The following CD276 variants were observed in gnomAD, a reference collection of about 807,000 sequenced individuals.
CD276 encodes CD276 antigen.
A neutral mutation model predicts 50.0 loss-of-function variants in CD276; 34 were observed. The observed-to-expected ratio is 0.68, with a 90% CI of 0.52 to 0.91. The LOEUF is 0.91. CD276 is among the 40% of genes least tolerant of loss of function. The pLI, the probability that CD276 is intolerant of heterozygous loss-of-function variation, is 0.00. For missense variants in CD276, 634 were observed against 717.5 expected (o/e 0.88, Z 1.33); for synonymous variants, 275 against 313.0 (o/e 0.88, Z 1.28).
At position 73,713,084 on chromosome 15, in the gene CD276, A is replaced by G; in HGVS notation, c.*128A>G. On this transcript the variant is annotated 3_prime_UTR_variant, in exon 10 of 10. Transcript: ENST00000318443. ...GACAGGTGGGCTCCTTCTCCAAAGG[A>G]TGCGATACACAGACCACTGTGCAGC... The G allele has an allele frequency of 1.3e-6, 1 of 774,068 alleles. No individual in the cohort carries two copies. Among genetic ancestry groups the G allele is most frequent in the Non-Finnish European group, 2.1e-6 (1 of 473,764 alleles). The allele number at this position is 774,068 out of a possible 1,614,324, so 47.9% of individuals were successfully genotyped here.
rs925979785 is a variant in CD276 at position 73,704,536 on chromosome 15, C to G, written c.1369+64C>G. ...TAACTCCCTCTTTACTGGACCCTAA[C>G]GTGGAATTTCCATAGGTTTGGGTGG... On this transcript the variant is annotated intron_variant, in intron 6 of 9. Coordinates refer to ENST00000318443, the MANE Select transcript of CD276 (RefSeq NM_001024736.2). This position sits in a 1 kb window ranked among gnomAD's most constrained non-coding sequence, Gnocchi z 4.1. The G allele has an allele frequency of 6.5e-7, 1 of 1,532,962 alleles. No homozygotes were observed. Among genetic ancestry groups the G allele is most frequent in the African/African-American group, 1.4e-5 (1 of 73,168 alleles). The allele number at this position is 1,532,962 out of a possible 1,614,324, so 95.0% of individuals were successfully genotyped here.
At chr15:73,692,083 G>A (rs988421930) in intron 1 of CD276, among the ~76,000 whole-genome samples, 2 of 152,082 alleles carry the variant, frequency 1.3e-5, no homozygotes, top group Non-Finnish European at 2.9e-5. Context: ...CCTCTCCTGA[G>A]TCTCAGCCTC....
upstream of CD276, chr15:73,684,149 C>T (rs543448774): frequency 6.0e-5 from 9 of 149,974 alleles, no homozygotes; most frequent in Non-Finnish European, 7.4e-5. Context: ...GCGCCCTGCT[C>T]CGGGAGCCGA....
chr15:73,709,164 T>C (rs1384721384), intron 7 of CD276, among the ~76,000 whole-genome samples: 1 of 151,864 alleles, frequency 6.6e-6, no homozygotes, highest in East Asian at 1.9e-4. Context: ...GTTACATCTG[T>C]TGGAGGTTGA....
At chr15:73,702,637 A>C (rs373130843) in intron 3 of CD276, 44 bp downstream of exon 3, 52 of 1,575,356 alleles carry the variant, frequency 3.3e-5, no homozygotes, top group African/African-American at 1.3e-5. Flanking sequence ...TTCACCCTCC[A>C]TTCCCCCTGC....
At chr15:73,685,776 A>G (rs1331216050) in intron 1 of CD276, among the ~76,000 whole-genome samples, 1 of 152,108 alleles carries the variant, frequency 6.6e-6, no homozygotes, top group Non-Finnish European at 1.5e-5. Flanking sequence ...GGGGGACTGC[A>G]AATAGGTGGG....
chr15:73,695,903 G>A (rs549643794), intron 1 of CD276, among the ~76,000 whole-genome samples: 1 of 152,226 alleles, frequency 6.6e-6, no homozygotes, highest in African/African-American at 2.4e-5. Context: ...AGTGATGTGG[G>A]TGATTATGGT....
In CD276 at chr15:73,684,419, A is replaced by C. The variant is rs1041017768; in HGVS notation, c.-96A>C. Reference sequence around the variant, plus strand: ...GCCTCGCTGCGGCGGCGACTGAGCCAGGCTGGGCCGCGTCCCTGAGTCCCA... The same window carrying C: ...GCCTCGCTGCGGCGGCGACTGAGCCCGGCTGGGCCGCGTCCCTGAGTCCCA... On this transcript the variant is annotated 5_prime_UTR_variant, in exon 1 of 10. Coordinates refer to ENST00000318443, the MANE Select transcript of CD276 (RefSeq NM_001024736.2). The C allele has an allele frequency of 6.6e-6, 1 of 151,568 alleles. No individual in the cohort carries two copies. The highest frequency in any genetic ancestry group is 2.1e-4 in the South Asian group (1 of 4,844). 9.4% of individuals were successfully genotyped at this position (151,568 alleles called of 1,614,324 possible).
chr15:73,713,495 A>T lies in CD276; in HGVS notation c.*539A>T, dbSNP rs1482302503. Reference sequence around the variant, plus strand: ...TCTCAGACAGGGACAGTGCGGCCTCAACATCTCCTGGAGTCTAGAAGCTGT... The same window carrying T: ...TCTCAGACAGGGACAGTGCGGCCTCTACATCTCCTGGAGTCTAGAAGCTGT... On this transcript the variant is annotated 3_prime_UTR_variant, in exon 10 of 10. Transcript: ENST00000318443. 3.4e-6 allele frequency: 1 copy of T among 293,572 alleles called. No individual in the cohort carries two copies. The highest frequency in any genetic ancestry group is 1.6e-4 in the East Asian group (1 of 6,450). 18.2% of individuals were successfully genotyped at this position (293,572 alleles called of 1,614,324 possible).
At chr15:73,692,706 T>G (rs1900031546) in intron 1 of CD276, among the ~76,000 whole-genome samples, 2 of 152,236 alleles carry the variant, frequency 1.3e-5, no homozygotes, top group South Asian at 4.1e-4. Context: ...TGTACGATTC[T>G]TCATCTCCAT....
At position 73,702,333 on chromosome 15, in the gene CD276, C is replaced by T; in HGVS notation, c.158C>T (p.Ser53Phe). ...GATGCCACCCTGTGCTGCTCCTTCT[C>T]CCCTGAGCCTGGCTTCAGCCTGGCA... ...GTDATLCCSFSPEPGFSLAQL... is the reference protein window; with the variant it reads ...GTDATLCCSFFPEPGFSLAQL... Residue 53 changes from serine to phenylalanine, a missense_variant, in exon 3 of 10, where the codon TCC becomes TTC. Physicochemically the swap from Ser to Phe is radical, Grantham distance 155 (BLOSUM62 -2). Coordinates refer to ENST00000318443, the MANE Select transcript of CD276 (RefSeq NM_001024736.2). 1 of 1,613,552 alleles carries T rather than the reference C, an allele frequency of 6.2e-7. No homozygotes were observed. The highest frequency in any genetic ancestry group is 1.1e-5 in the South Asian group (1 of 91,076).
chr15:73,688,541 G>C (rs998788166), intron 1 of CD276, among the ~76,000 whole-genome samples: 29 of 152,164 alleles, frequency 1.9e-4, no homozygotes, highest in African/African-American at 7.0e-4. Context: ...CTGTACCCTG[G>C]GCAGGCAAGG....
intron 6 of CD276, among the ~76,000 whole-genome samples, chr15:73,705,248 G>A (rs1020869502): frequency 1.1e-4 from 17 of 152,178 alleles, no homozygotes; most frequent in Admixed American, 9.8e-4. Context: ...GGTGCACAGT[G>A]AGGTCAGGAC....
intron 1 of CD276, among the ~76,000 whole-genome samples, chr15:73,697,966 G>C (rs2141553906): frequency 6.6e-6 from 1 of 152,316 alleles, no homozygotes; most frequent in Non-Finnish European, 1.5e-5. Flanking sequence ...TATTCTTGTT[G>C]ATCAGTGTTG....
intron 1 of CD276, 132 bp from the exon 2 acceptor site, chr15:73,699,454 G>T (rs1216792473): frequency 2.5e-6 from 3 of 1,212,216 alleles, no homozygotes; most frequent in Admixed American, 4.7e-5. Context: ...CAGGGGGCCC[G>T]GTGGGATATG....
chr15:73,685,279 G>A (rs1007438977), intron 1 of CD276, among the ~76,000 whole-genome samples: 4 of 152,030 alleles, frequency 2.6e-5, no homozygotes, highest in Non-Finnish European at 5.9e-5. Context: ...GAATTCCAGC[G>A]CCCAGGGCCC....
intron 4 of CD276, 105 bp downstream of exon 4, chr15:73,703,191 G>A (rs889711049): frequency 9.4e-5 from 124 of 1,317,020 alleles, no homozygotes; most frequent in Non-Finnish European, 1.2e-4. Flanking sequence ...AGAACAGCAA[G>A]TTGCCTCCTA....
intron 2 of CD276, 66 bp downstream of exon 2, chr15:73,699,784 C>A (rs1167115532): frequency 2.0e-6 from 3 of 1,510,774 alleles, no homozygotes; most frequent in Non-Finnish European, 2.7e-6. Flanking sequence ...GAGGGGGTGC[C>A]CACGCCTGTT....
rs368957019 is a variant in CD276, at chr15:73,702,447, A to G, written c.272A>G (p.Asn91Ser). Residue 91 changes from asparagine (N) to serine (S), a missense_variant, in exon 3 of 10, where the codon AAC (asparagine) becomes AGC (serine). Asn to Ser is a conservative substitution (Grantham distance 46). Transcript: ENST00000318443. The stretch of plus-strand genomic sequence containing the variant: ...CAGGACCAGGGCAGCGCCTATGCCA[A>G]CCGCACGGCCCTCTTCCCGGACCTG... ...EGQDQGSAYANRTALFPDLLA... is the reference protein window; with the variant it reads ...EGQDQGSAYASRTALFPDLLA... 9 of 1,613,756 alleles carry G rather than the reference A, an allele frequency of 5.6e-6. No homozygotes were observed. The highest frequency in any genetic ancestry group is 1.1e-5 in the South Asian group (1 of 91,080).
Sources: allele counts gnomAD v4.1 joint callset (sites outside exome capture counted in the v4.1 genomes callset), GRCh38; gene constraint gnomAD v4.1.1; non-coding constraint Gnocchi (gnomAD v3.1); transcripts MANE v1.5; gene names NCBI Gene and HGNC (gene_info 2026-07-23, HGNC 2026-07-21).